Variants in FSTL4 observed in about 807,000 individuals in gnomAD.
FSTL4 encodes follistatin like 4, also known as follistatin-related protein 4.
FSTL4 carries 28 observed loss-of-function variants against 78.2 expected under a neutral mutation model. That is an observed-to-expected ratio of 0.36 (90% CI 0.27 to 0.49). The LOEUF (loss-of-function observed/expected upper bound fraction) is 0.49, where lower values mean the gene tolerates loss of function less well. Among genes scored for constraint, FSTL4 ranks in the 20% least tolerant of loss-of-function variants. The probability of loss-of-function intolerance (pLI) is 0.98; values close to 1 mark genes in which losing one functional copy is unlikely to be tolerated. For missense variants in FSTL4, 922 were observed against 1,084.9 expected (o/e 0.85, Z 2.11); for synonymous variants, 422 against 440.5 (o/e 0.96, Z 0.53).
intron 2 of FSTL4, among the ~76,000 whole-genome samples, chr5:133,602,388 A>T (rs2112978347): frequency 6.6e-6 from 1 of 152,340 alleles, no homozygotes; most frequent in South Asian, 2.1e-4. Flanking sequence ...GGTTGATATT[A>T]ACTTACCTTC....
the FSTL4 span, among the ~76,000 whole-genome samples, chr5:133,627,570 G>C: frequency 6.6e-6 from 1 of 152,014 alleles, no homozygotes; most frequent in African/African-American, 2.4e-5. Context: ...GTTAATATAG[G>C]TACTTTGAAT....
chr5:133,730,588 G>A, the FSTL4 span, among the ~76,000 whole-genome samples: 4 of 152,188 alleles, frequency 2.6e-5, no homozygotes, highest in African/African-American at 9.7e-5. Flanking sequence ...CTGGACAACG[G>A]TGTCCTTCAT....
At chr5:133,577,019 T>C (rs1416224179) in intron 2 of FSTL4, among the ~76,000 whole-genome samples, 1 of 152,212 alleles carries the variant, frequency 6.6e-6, no homozygotes, top group African/African-American at 2.4e-5. Flanking sequence ...ATGTAGCATG[T>C]ATTCCACTGC....
chr5:133,215,281 C>T (rs1490477906), intron 13 of FSTL4, among the ~76,000 whole-genome samples: 2 of 152,188 alleles, frequency 1.3e-5, no homozygotes, highest in African/African-American at 4.8e-5. Flanking sequence ...TGGAGTGCTT[C>T]AGGACTCCAA....
At chr5:133,841,492 A>T in the FSTL4 span, among the ~76,000 whole-genome samples, 201 of 152,322 alleles carry the variant, frequency 1.3e-3, 3 homozygotes, top group African/African-American at 4.5e-3. Flanking sequence ...TTCTAGAAAT[A>T]ATAAGATGCT....
the FSTL4 span, among the ~76,000 whole-genome samples, chr5:133,699,653 G>A: frequency 0.35 from 53,152 of 151,838 alleles, 10,189 homozygotes; most frequent in African/African-American, 0.51. Flanking sequence ...AGGCCAAGGC[G>A]GGAGGATCAC....
intron 4 of FSTL4, among the ~76,000 whole-genome samples, chr5:133,383,585 G>T (rs533805661): frequency 6.6e-6 from 1 of 152,312 alleles, no homozygotes; most frequent in South Asian, 2.1e-4. Context: ...AGGCCCCAGG[G>T]CCCTGGGAGA....
At chr5:133,550,827 T>C (rs1389799072) in intron 3 of FSTL4, among the ~76,000 whole-genome samples, 1 of 152,190 alleles carries the variant, frequency 6.6e-6, no homozygotes, top group African/African-American at 2.4e-5. Flanking sequence ...AAAGTCCCAA[T>C]GTAATGGTGG....
intron 3 of FSTL4, among the ~76,000 whole-genome samples, chr5:133,499,369 T>TACACACACACACACAC (rs57363602): frequency 2.1e-4 from 27 of 126,792 alleles, no homozygotes; most frequent in East Asian, 7.7e-4. Context: ...ACAAGGGGAA[T>TACACACACACACACAC]ACACACACAC....
chr5:133,236,355 G>A lies in FSTL4; in HGVS notation c.895-2818C>T, dbSNP rs7734637. Among the ~76,000 whole-genome samples, 15,075 of 151,966 alleles carry A rather than the reference G, an allele frequency of 0.099. 2,239 individuals carry two copies. The highest frequency in any genetic ancestry group is 0.32 in the African/African-American group (13,419 of 41,376). On this transcript the variant is annotated intron_variant, in intron 7 of 15. Coordinates refer to ENST00000265342, the MANE Select transcript of FSTL4 (RefSeq NM_015082.2). The surrounding 1 kb of genome is among the most constrained non-coding windows in gnomAD (Gnocchi z 5.0). ...TTGATACCCATTAATACCAACATAC[G>A]GTCTTCAAGAGGTTACCGTGTGCCG...
chr5:133,598,373 G>A lies in FSTL4; in HGVS notation c.126+5485C>T, dbSNP rs531978298. ...CTGCATTTTAACAAGATCCCAGACC[G>A]TTCACAAGCACATTGCATCTCAAGA... On this transcript the variant is annotated intron_variant, in intron 2 of 15. Transcript: ENST00000265342. 3.1e-4 allele frequency among the ~76,000 whole-genome samples: 42 copies of A among 134,694 alleles called. 1 individual carries two copies. The highest frequency in any genetic ancestry group is 9.3e-4 in the African/African-American group (31 of 33,340). 88.4% of individuals were successfully genotyped at this position (134,694 alleles called of 152,430 possible).
At chr5:133,713,350 G>A in the FSTL4 span, among the ~76,000 whole-genome samples, 1 of 152,184 alleles carries the variant, frequency 6.6e-6, no homozygotes, top group African/African-American at 2.4e-5. Context: ...TGATCTGATA[G>A]GAAGGAAATA....
intron 3 of FSTL4, among the ~76,000 whole-genome samples, chr5:133,562,065 G>A (rs981737698): frequency 6.6e-6 from 1 of 152,182 alleles, no homozygotes. Flanking sequence ...GTGAGAGAGG[G>A]TGGCATGGGG....
chr5:133,482,660 G>A (rs537126031), intron 3 of FSTL4, among the ~76,000 whole-genome samples: 4 of 152,314 alleles, frequency 2.6e-5, no homozygotes, highest in African/African-American at 7.2e-5. Context: ...CAGGTGGCAG[G>A]GGCTGTCTCA....
At chr5:133,808,623 T>A in the FSTL4 span, among the ~76,000 whole-genome samples, 1 of 152,198 alleles carries the variant, frequency 6.6e-6, no homozygotes, top group Non-Finnish European at 1.5e-5. Flanking sequence ...TTGGCTTGTT[T>A]CCTTCAGGAT....
rs1756825346 is a variant in FSTL4, at chr5:133,426,681, G to A, written c.161-25695C>T. ...AGCGGTGGCAATGGGGGCTATGGAG[G>A]AGCAATCTCTGGCTGGAGGCACAAG... is the stretch of plus-strand genomic sequence containing the variant. On this transcript the variant is annotated intron_variant, in intron 3 of 15. Transcript: ENST00000265342. This position sits in a 1 kb window ranked among gnomAD's most constrained non-coding sequence, Gnocchi z 5.0. Among the ~76,000 whole-genome samples, 2 of 152,132 alleles carry A rather than the reference G, an allele frequency of 1.3e-5. No homozygotes were observed. The highest frequency in any genetic ancestry group is 1.3e-4 in the Admixed American group (2 of 15,274).
intron 6 of FSTL4, among the ~76,000 whole-genome samples, chr5:133,291,855 A>G (rs1283710005): frequency 6.6e-6 from 1 of 152,140 alleles, no homozygotes; most frequent in Non-Finnish European, 1.5e-5. Context: ...AGCCTTTCTG[A>G]AGATGCTTGG....
At chr5:133,209,953 G>A in intron 14 of FSTL4, 1 of 402,514 alleles carries the variant, frequency 2.5e-6, no homozygotes, top group Non-Finnish European at 4.6e-6. Context: ...ATGGGGATTG[G>A]GTGCCACATT....
chr5:133,231,096 C>T (rs779123780), intron 8 of FSTL4, among the ~76,000 whole-genome samples: 27 of 152,072 alleles, frequency 1.8e-4, no homozygotes, highest in Non-Finnish European at 3.2e-4. Flanking sequence ...ATAGCTCCCA[C>T]GCCTCTCACT....
Sources: gnomAD v4.1 joint callset for allele counts (sites outside exome capture counted in the v4.1 genomes callset) on GRCh38, gnomAD v4.1.1 for gene constraint, Gnocchi (gnomAD v3.1) non-coding constraint, MANE v1.5 for transcripts, NCBI Gene and HGNC (gene_info 2026-07-23, HGNC 2026-07-21) for gene names.